PEX7: variants seen among roughly 807,000 people sequenced by gnomAD.
The protein encoded by PEX7 is peroxisomal biogenesis factor 7.
PEX7 carries 34 observed loss-of-function variants against 47.5 expected under a neutral mutation model. That is an observed-to-expected ratio of 0.72 (90% CI 0.54 to 0.95). The LOEUF is 0.95. Among genes scored for constraint, PEX7 ranks in the 40% least tolerant of loss-of-function variants. PEX7 has a pLI of 0.00. For synonymous variants in PEX7, 141 were observed against 148.8 expected (o/e 0.95, Z 0.38); for missense variants, 394 against 400.3 (o/e 0.98, Z 0.13).
chr6:136,894,532 G>A (rs1425675809), intron 8 of PEX7, among the ~76,000 whole-genome samples: 1 of 152,204 alleles, frequency 6.6e-6, no homozygotes, highest in Non-Finnish European at 1.5e-5. Context: ...AGAGGTTGCA[G>A]TGAGCCGAGA....
chr6:136,823,410 C>T (rs1305365310), intron 1 of PEX7: 3 of 949,858 alleles, frequency 3.2e-6, no homozygotes, highest in African/African-American at 3.5e-5. Context: ...TTAATTGTCT[C>T]CCGTCGCGCG....
intron 3 of PEX7, among the ~76,000 whole-genome samples, chr6:136,837,361 C>CGAAAAAAAAAAAAAA (rs1774407787): frequency 1.2e-5 from 1 of 83,450 alleles, no homozygotes; most frequent in Non-Finnish European, 2.2e-5. Context: ...GAGTCTGTCA[C>CGAAAAAAAAAAAAAA]AAAAAAAAAA....
At position 136,874,177 on chromosome 6, in the gene PEX7, A is replaced by T. The variant is rs560434299; in HGVS notation, c.803+1924A>T. Among the ~76,000 whole-genome samples, 162 of 152,372 alleles carry T rather than the reference A, an allele frequency of 1.1e-3. 1 individual carries two copies. The highest frequency in any genetic ancestry group is 3.6e-3 in the African/African-American group (148 of 41,594). On this transcript the variant is annotated intron_variant, in intron 8 of 9. Transcript: ENST00000318471. ...TTTCCAAAGCTCTGGAACAACTTGT[A>T]CAGCATTGAGGCTATTTGGTCTTTG...
Position 136,845,952 on chromosome 6 carries a change from A to C in PEX7, c.418-121A>C, listed in dbSNP as rs928128456. 7.1e-6 allele frequency: 5 copies of C among 709,184 alleles called. No homozygotes were observed. In the Admixed American group the frequency reaches 1.1e-4, roughly 16 times the overall value. The allele number at this position is 709,184 out of a possible 1,614,324, so 43.9% of individuals were successfully genotyped here. ...AAACAGATCTTTAAAAATCCTTGAG[A>C]TCTGTATATATATTGTATGCATATA... On this transcript the variant is annotated intron_variant, in intron 4 of 9. Transcript: ENST00000318471.
intron 3 of PEX7, among the ~76,000 whole-genome samples, chr6:136,832,353 A>C (rs1774310224): frequency 6.6e-6 from 1 of 152,144 alleles, no homozygotes; most frequent in South Asian, 2.1e-4. Context: ...CAGCAGGGCC[A>C]CTCAGGCCCA....
rs1775729969 is a variant in PEX7 at position 136,900,216 on chromosome 6, C to T, written c.903+1975C>T. On this transcript the variant is annotated intron_variant, in intron 9 of 9. Transcript: ENST00000318471. This position sits in a 1 kb window ranked among gnomAD's most constrained non-coding sequence, Gnocchi z 4.2. ...TGAGAGGACTTAATCAGAGGACATA[C>T]ATCCCTAAGTAATAGATTTTATTCA... is the stretch of plus-strand genomic sequence containing the variant. The T allele has an allele frequency of 6.1e-6, 1 of 164,218 alleles. No individual in the cohort carries two copies. Among genetic ancestry groups the T allele is most frequent in the Non-Finnish European group, 1.3e-5 (1 of 76,538 alleles). 10.2% of individuals were successfully genotyped at this position (164,218 alleles called of 1,614,324 possible).
chr6:136,847,217 T>G (rs1774621614), intron 5 of PEX7, among the ~76,000 whole-genome samples: 1 of 135,626 alleles, frequency 7.4e-6, no homozygotes. Context: ...AATTTGTTTT[T>G]AAGTTTTTTG....
chr6:136,863,943 T>A (rs1775011205), intron 5 of PEX7, among the ~76,000 whole-genome samples: 1 of 152,178 alleles, frequency 6.6e-6, no homozygotes, highest in African/African-American at 2.4e-5. Context: ...TGTATGGCAT[T>A]TGTCGTCCAG....
At chr6:136,898,269 C>G (rs779356381) in intron 9 of PEX7, 28 bp downstream of exon 9, 1 of 1,339,590 alleles carries the variant, frequency 7.5e-7, no homozygotes, top group South Asian at 1.2e-5. Flanking sequence ...ATGATATTCT[C>G]TTCTGCCCAA....
chr6:136,884,589 G>T (rs530022171), intron 8 of PEX7, among the ~76,000 whole-genome samples: 1 of 150,416 alleles, frequency 6.6e-6, no homozygotes, highest in Non-Finnish European at 1.5e-5. Flanking sequence ...CTGATGATAT[G>T]GTGGATATTT....
At chr6:136,849,012 A>G (rs1562736392) in intron 5 of PEX7, among the ~76,000 whole-genome samples, 1 of 152,178 alleles carries the variant, frequency 6.6e-6, no homozygotes, top group East Asian at 1.9e-4. Flanking sequence ...GCTATTAATT[A>G]TTGCCTCAAT....
chr6:136,913,336 A>G (rs1338128791), intron 9 of PEX7, 122 bp from the exon 10 acceptor site: 1 of 737,822 alleles, frequency 1.4e-6, no homozygotes, highest in Admixed American at 1.9e-5. Flanking sequence ...TGTTTTCCCT[A>G]TTCAAAAATA....
At chr6:136,878,324 A>G (rs1221932462) in intron 8 of PEX7, among the ~76,000 whole-genome samples, 1 of 152,162 alleles carries the variant, frequency 6.6e-6, no homozygotes, top group Non-Finnish European at 1.5e-5. Context: ...TGCCCTGGCC[A>G]GAACTTCCAA....
At position 136,866,823 on chromosome 6, in the gene PEX7, T is replaced by C. The variant is rs916980123; in HGVS notation, c.633+90T>C. On this transcript the variant is annotated intron_variant, in intron 6 of 9. Transcript: ENST00000318471. Reference sequence around the variant, plus strand: ...TTGTCTTTGTTTATGTGGACTTTGGTGGTGTTCCTGGACCATTAAGTTAAA... The same window carrying C: ...TTGTCTTTGTTTATGTGGACTTTGGCGGTGTTCCTGGACCATTAAGTTAAA... The C allele has an allele frequency of 4.6e-6, 5 of 1,086,866 alleles. No homozygotes were observed. In the African/African-American group the frequency reaches 7.8e-5, roughly 17 times the overall value. The allele number at this position is 1,086,866 out of a possible 1,614,324, so 67.3% of individuals were successfully genotyped here.
intron 3 of PEX7, among the ~76,000 whole-genome samples, chr6:136,839,914 G>A (rs1269928037): frequency 1.3e-5 from 2 of 152,136 alleles, no homozygotes; most frequent in Admixed American, 6.5e-5. Context: ...TGTGGTAAGC[G>A]CTGTGAATGT....
intron 8 of PEX7, among the ~76,000 whole-genome samples, chr6:136,886,092 C>T (rs539790959): frequency 7.9e-5 from 12 of 152,280 alleles, no homozygotes; most frequent in East Asian, 1.9e-4. Flanking sequence ...GCCATTTCAG[C>T]GCTCTAGTCT....
chr6:136,836,000 C>T (rs1582738760), intron 3 of PEX7, among the ~76,000 whole-genome samples: 1 of 152,164 alleles, frequency 6.6e-6, no homozygotes, highest in Non-Finnish European at 1.5e-5. Flanking sequence ...CTCATACACA[C>T]AGTGTAGGTG....
chr6:136,894,644 C>T (rs1352018780), intron 8 of PEX7, among the ~76,000 whole-genome samples: 4 of 152,090 alleles, frequency 2.6e-5, no homozygotes, highest in African/African-American at 9.7e-5. Flanking sequence ...TGATACAGTG[C>T]TGTATACTTG....
chr6:136,857,397 C>T (rs1774879898), intron 5 of PEX7, among the ~76,000 whole-genome samples: 1 of 152,120 alleles, frequency 6.6e-6, no homozygotes, highest in Non-Finnish European at 1.5e-5. Context: ...TTGAGAAGGA[C>T]GCTGCTAGTG....
Sources: gnomAD v4.1 joint callset for allele counts (sites outside exome capture counted in the v4.1 genomes callset) on GRCh38, gnomAD v4.1.1 for gene constraint, Gnocchi (gnomAD v3.1) non-coding constraint, MANE v1.5 for transcripts, NCBI Gene and HGNC (gene_info 2026-07-23, HGNC 2026-07-21) for gene names.